NECAB1: variants seen among roughly 807,000 people sequenced by gnomAD.
The protein encoded by NECAB1 is N-terminal EF-hand calcium binding protein 1.
NECAB1 carries 29 observed loss-of-function variants against 57.5 expected under a neutral mutation model. The ratio of observed to expected loss-of-function variants is 0.50; its 90% CI spans 0.38 to 0.69. NECAB1 has a LOEUF of 0.69. NECAB1 is among the 30% of genes least tolerant of loss of function. The pLI is 0.00. For missense variants in NECAB1, 372 were observed against 413.8 expected, an observed-to-expected ratio of 0.90 and a Z score of 0.88; for synonymous variants, 142 against 147.7, an observed-to-expected ratio of 0.96 and a Z score of 0.28.
intron 5 of NECAB1, among the ~76,000 whole-genome samples, chr8:90,906,905 A>ATG (rs1563528374): frequency 1.5e-5 from 2 of 132,120 alleles, no homozygotes; most frequent in African/African-American, 6.2e-5. Context: ...ATATATATAT[A>ATG]TATATCTTCT....
intron 2 of NECAB1, chr8:90,812,628 C>T (rs1811981143): frequency 1.3e-5 from 2 of 152,208 alleles, no homozygotes; most frequent in African/African-American, 4.8e-5. Context: ...ACGAGCCAAG[C>T]ATTTGACTGA....
chr8:90,857,613 A>G (rs1249455656), intron 3 of NECAB1, among the ~76,000 whole-genome samples: 4 of 152,170 alleles, frequency 2.6e-5, no homozygotes, highest in Non-Finnish European at 1.5e-5. Flanking sequence ...AAAGTTAAAA[A>G]TGTAATTAAA....
At chr8:90,927,610 T>TACACAC (rs71560287) in intron 7 of NECAB1, among the ~76,000 whole-genome samples, 3,643 of 143,912 alleles carry the variant, frequency 0.025, 172 homozygotes, top group Admixed American at 0.12. Context: ...TGGTGCTAGA[T>TACACAC]ACACACACAC....
chr8:90,859,538 T>C (rs1213365923), intron 3 of NECAB1, among the ~76,000 whole-genome samples: 1 of 152,166 alleles, frequency 6.6e-6, no homozygotes, highest in East Asian at 1.9e-4. Context: ...TAGTCAGTTA[T>C]GATGGTTGAG....
chr8:90,880,532 G>GA (rs11384107), intron 4 of NECAB1, among the ~76,000 whole-genome samples: 63,428 of 141,384 alleles, frequency 0.45, 15,839 homozygotes, highest in East Asian at 0.77. Flanking sequence ...CAAATTGTTG[G>GA]AAAAAAAAAA....
Position 90,847,428 on chromosome 8 carries a change from AG to A in NECAB1, c.233+22605del, listed in dbSNP as rs1812588509. Among the ~76,000 whole-genome samples, 5 of 152,284 alleles carry A rather than the reference AG, an allele frequency of 3.3e-5. No homozygotes were observed. The South Asian group carries it at 1.0e-3, about 32-fold the overall frequency. On this transcript the variant is annotated intron_variant, in intron 3 of 12. Coordinates refer to ENST00000417640, the MANE Select transcript of NECAB1 (RefSeq NM_022351.5). ...GGCTGGCATTGTCTGTAGCTTTTCC[AG>A]GTGCACAGTGTAAGCTGTTGGTGGA... is the stretch of plus-strand genomic sequence containing the variant.
At chr8:90,853,397 G>C (rs1812725467) in intron 3 of NECAB1, among the ~76,000 whole-genome samples, 1 of 152,208 alleles carries the variant, frequency 6.6e-6, no homozygotes, top group Admixed American at 6.5e-5. Flanking sequence ...GAAATAAGTG[G>C]AATGTTAGAA....
At chr8:90,885,507 A>G (rs1457968189) in intron 5 of NECAB1, among the ~76,000 whole-genome samples, 1 of 152,224 alleles carries the variant, frequency 6.6e-6, no homozygotes, top group Admixed American at 6.5e-5. Context: ...GCATTCATAT[A>G]GCACCTTGGA....
rs1811023123 is a variant in NECAB1 at position 90,955,920 on chromosome 8, G to C, written c.*408G>C. The C allele has an allele frequency of 6.4e-6, 1 of 156,072 alleles. No homozygotes were observed. The highest frequency in any genetic ancestry group is 1.4e-5 in the Non-Finnish European group (1 of 70,768). The allele number at this position is 156,072 out of a possible 1,614,324, so 9.7% of individuals were successfully genotyped here. ...TTGTAAACTGTCGTATACTGTAAAG[G>C]GTTAAATCAGCGTTTTGTGATTTTT... On this transcript the variant is annotated 3_prime_UTR_variant, in exon 13 of 13. Transcript: ENST00000417640.
chr8:90,934,398 T>C (rs1241029757), intron 9 of NECAB1, 41 bp downstream of exon 9: 2 of 1,239,032 alleles, frequency 1.6e-6, no homozygotes, highest in Non-Finnish European at 2.2e-6. Flanking sequence ...AAATATATTC[T>C]TTAAAAACAT....
In NECAB1 at chr8:90,864,277, G is replaced by GA. The variant is rs573188608; in HGVS notation, c.234-7841dup. On this transcript the variant is annotated intron_variant, in intron 3 of 12. Coordinates refer to ENST00000417640, the MANE Select transcript of NECAB1 (RefSeq NM_022351.5). ...AAATGGATAAGAAACAACTCTGGTG[G>GA]AAAAAAAAAACGAGGAAGGAAGGGA... Among the ~76,000 whole-genome samples the GA allele has an allele frequency of 7.5e-4, 89 of 117,998 alleles. 1 individual carries two copies. The highest frequency in any genetic ancestry group is 6.0e-3 in the Middle Eastern group (1 of 168). 77.4% of individuals were successfully genotyped at this position (117,998 alleles called of 152,430 possible). A position where few individuals can be genotyped will look rare whatever the true frequency, so the allele number is the denominator to read the frequency against.
intron 3 of NECAB1, among the ~76,000 whole-genome samples, chr8:90,863,045 C>A (rs1125229): frequency 6.6e-6 from 1 of 151,782 alleles, no homozygotes; most frequent in South Asian, 2.1e-4. Context: ...ATCGATTGTC[C>A]CCCTTTGTCC....
At chr8:90,899,103 A>G (rs1436792641) in intron 5 of NECAB1, among the ~76,000 whole-genome samples, 1 of 152,232 alleles carries the variant, frequency 6.6e-6, no homozygotes, top group Non-Finnish European at 1.5e-5. Flanking sequence ...AGTTTTGGCT[A>G]TGCCAGTGGG....
chr8:90,925,420 A>G (rs561777353), intron 6 of NECAB1, 115 bp from the exon 7 acceptor site: 308 of 1,167,366 alleles, frequency 2.6e-4, no homozygotes, highest in Non-Finnish European at 3.6e-4. Context: ...CATTCTCATA[A>G]GTTTTCATTT....
intron 3 of NECAB1, among the ~76,000 whole-genome samples, chr8:90,860,821 A>C (rs1316376886): frequency 2.0e-5 from 3 of 152,150 alleles, no homozygotes; most frequent in African/African-American, 7.2e-5. Context: ...AGAGGAAGGA[A>C]GGAAGATCCA....
intron 6 of NECAB1, among the ~76,000 whole-genome samples, chr8:90,918,212 A>G (rs1810024711): frequency 6.6e-6 from 1 of 151,392 alleles, no homozygotes; most frequent in African/African-American, 2.4e-5. Context: ...GGGTTTCACT[A>G]TGTTGATCAG....
chr8:90,947,621 G>C (rs899334368), intron 10 of NECAB1, among the ~76,000 whole-genome samples: 2 of 152,078 alleles, frequency 1.3e-5, no homozygotes, highest in African/African-American at 4.8e-5. Context: ...GGCTGGCCTT[G>C]AACTCCTGAC....
rs1282218031 is a variant in NECAB1 at position 90,940,794 on chromosome 8, G to A, written c.756G>A (p.Met252Ile). The A allele has an allele frequency of 1.3e-6, 2 of 1,559,084 alleles. No homozygotes were observed. Among genetic ancestry groups the A allele is most frequent in the East Asian group, 2.4e-5 (1 of 41,506 alleles). ...CGCCCCTTCCTTGGCAGCACATCAT[G>A]CTTGTGCAGCGGCAGATGTCTGTGA... ...IIEGNTKSHIMLVQRQMSVIE... is the reference protein window; with the variant it reads ...IIEGNTKSHIILVQRQMSVIE... The change falls in exon 10 of 13, where the codon ATG becomes ATA. Residue 252 changes from methionine (M) to isoleucine (I), a missense_variant. Met to Ile is a conservative substitution (Grantham distance 10). Coordinates refer to ENST00000417640, the MANE Select transcript of NECAB1 (RefSeq NM_022351.5).
At chr8:90,860,895 G>T (rs1812890361) in intron 3 of NECAB1, among the ~76,000 whole-genome samples, 2 of 152,064 alleles carry the variant, frequency 1.3e-5, no homozygotes, top group Non-Finnish European at 1.5e-5. Flanking sequence ...GTATTGTGAG[G>T]GAAGGTTAGC....
Sources: allele counts gnomAD v4.1 joint callset (sites outside exome capture counted in the v4.1 genomes callset), GRCh38; gene constraint gnomAD v4.1.1; transcripts MANE v1.5; gene names NCBI Gene and HGNC (gene_info 2026-07-23, HGNC 2026-07-21).